Variants in PIP4P2 observed in about 807,000 individuals in gnomAD.
PIP4P2 encodes phosphatidylinositol-4,5-bisphosphate 4-phosphatase 2, also known as type 2 phosphatidylinositol 4,5-bisphosphate 4-phosphatase.
A neutral mutation model predicts 33.3 loss-of-function variants in PIP4P2; 19 were observed. The ratio of observed to expected loss-of-function variants is 0.57; its 90% CI spans 0.40 to 0.84. The LOEUF (loss-of-function observed/expected upper bound fraction) is 0.84. PIP4P2 is among the 40% of genes least tolerant of loss of function. The pLI is 0.00. For missense variants in PIP4P2, 270 were observed against 324.7 expected (o/e 0.83, Z 1.29); for synonymous variants, 110 against 111.9 (o/e 0.98, Z 0.11).
chr8:91,039,863 G>A (rs1348564124), intron 1 of PIP4P2, among the ~76,000 whole-genome samples: 1 of 152,008 alleles, frequency 6.6e-6, no homozygotes, highest in Non-Finnish European at 1.5e-5. Context: ...AGATCCCATT[G>A]CATTTAATCT....
At chr8:91,023,092 C>G (rs534207144) in intron 1 of PIP4P2, among the ~76,000 whole-genome samples, 13 of 152,046 alleles carry the variant, frequency 8.6e-5, no homozygotes, top group Non-Finnish European at 1.3e-4. Context: ...TTGCAATTTG[C>G]AGATTACTTT....
intron 6 of PIP4P2, 84 bp downstream of exon 6, chr8:90,996,570 T>C: frequency 8.9e-7 from 1 of 1,126,628 alleles, no homozygotes; most frequent in Non-Finnish European, 1.2e-6. Context: ...TCTTCAGGAA[T>C]CCCTGAAGGT....
At chr8:91,037,790 A>C (rs1812251610) in intron 1 of PIP4P2, among the ~76,000 whole-genome samples, 1 of 152,160 alleles carries the variant, frequency 6.6e-6, no homozygotes. Context: ...GATATAAACA[A>C]TTTTCACAGA....
chr8:91,034,795 T>C (rs1255901042), intron 1 of PIP4P2, among the ~76,000 whole-genome samples: 1 of 152,212 alleles, frequency 6.6e-6, no homozygotes, highest in Non-Finnish European at 1.5e-5. Flanking sequence ...CATCTCTTCC[T>C]GCCAATCCAC....
chr8:91,007,377 C>A (rs914789302), intron 5 of PIP4P2, among the ~76,000 whole-genome samples: 3 of 152,186 alleles, frequency 2.0e-5, no homozygotes, highest in Non-Finnish European at 4.4e-5. Context: ...TACACATATT[C>A]TACTTCCAAA....
Position 90,995,538 on chromosome 8 carries a change from T to C in PIP4P2, c.*139A>G, listed in dbSNP as rs561656649. 426 of 1,099,358 alleles carry C rather than the reference T, an allele frequency of 3.9e-4. 2 individuals carry two copies. The highest frequency in any genetic ancestry group is 4.9e-4 in the Non-Finnish European group (401 of 825,422). The allele number at this position is 1,099,358 out of a possible 1,614,324, so 68.1% of individuals were successfully genotyped here. On this transcript the variant is annotated 3_prime_UTR_variant, in exon 7 of 7. Transcript: ENST00000285419. ...ATATAGTGCAATGAGCATTTGTTCA[T>C]AAAAGACTCCCAAAGTCTTGAAACG...
chr8:91,027,034 G>A (rs1812091240), intron 1 of PIP4P2, among the ~76,000 whole-genome samples: 1 of 152,176 alleles, frequency 6.6e-6, no homozygotes, highest in African/African-American at 2.4e-5. Flanking sequence ...CATGGTTAGA[G>A]AACCAGGGAA....
At chr8:91,005,678 A>C (rs941944685) in intron 5 of PIP4P2, among the ~76,000 whole-genome samples, 1 of 152,250 alleles carries the variant, frequency 6.6e-6, no homozygotes, top group African/African-American at 2.4e-5. Flanking sequence ...AAATAAATGG[A>C]TAACACTTGA....
At chr8:91,029,926 C>CA (rs1209963806) in intron 1 of PIP4P2, among the ~76,000 whole-genome samples, 2 of 152,010 alleles carry the variant, frequency 1.3e-5, no homozygotes, top group African/African-American at 4.8e-5. Context: ...GAGATCGTGC[C>CA]ACTGAACTCC....
Position 91,020,085 on chromosome 8 carries a change from C to T in PIP4P2, c.362+72G>A, listed in dbSNP as rs1465958682. 2.0e-6 allele frequency: 3 copies of T among 1,468,788 alleles called. No individual in the cohort carries two copies. The Admixed American group carries it at 5.3e-5, about 26-fold the overall frequency. 91.0% of individuals were successfully genotyped at this position (1,468,788 alleles called of 1,614,324 possible). On this transcript the variant is annotated intron_variant, in intron 3 of 6. Coordinates refer to ENST00000285419, the MANE Select transcript of PIP4P2 (RefSeq NM_018710.3). ...ACTCTTTCTAGAACAAAGCCTGGCA[C>T]TGAAGAACCTTTAGTAAATACTTGT...
chr8:91,013,765 C>T (rs1434552340), intron 4 of PIP4P2, among the ~76,000 whole-genome samples: 5 of 152,114 alleles, frequency 3.3e-5, no homozygotes, highest in Non-Finnish European at 2.9e-5. Flanking sequence ...AACTCCTGGC[C>T]TCAAGTGAGC....
In PIP4P2 at chr8:91,011,302, T is replaced by G. The variant is rs548218177; in HGVS notation, c.487-2507A>C. The stretch of plus-strand genomic sequence containing the variant: ...ATTAACAAAGTATCTGGATATGCCT[T>G]TTACCAGCAACAGAGACCATGGGCC... On this transcript the variant is annotated intron_variant, in intron 4 of 6. Coordinates refer to ENST00000285419, the MANE Select transcript of PIP4P2 (RefSeq NM_018710.3). Among the ~76,000 whole-genome samples, 9 of 152,136 alleles carry G rather than the reference T, an allele frequency of 5.9e-5. No homozygotes were observed. The South Asian group carries it at 1.9e-3, about 31-fold the overall frequency.
intron 1 of PIP4P2, among the ~76,000 whole-genome samples, chr8:91,025,618 G>A (rs1243267201): frequency 6.6e-6 from 1 of 152,158 alleles, no homozygotes; most frequent in Non-Finnish European, 1.5e-5. Context: ...TCTATATGCA[G>A]CCCTTCAGGC....
intron 4 of PIP4P2, among the ~76,000 whole-genome samples, chr8:91,009,666 C>A (rs532629720): frequency 6.6e-6 from 1 of 151,880 alleles, no homozygotes; most frequent in Admixed American, 6.6e-5. Context: ...TTTCAGAAGG[C>A]TCAAATTCTA....
intron 1 of PIP4P2, among the ~76,000 whole-genome samples, chr8:91,027,364 T>C (rs1812097894): frequency 6.6e-6 from 1 of 152,226 alleles, no homozygotes; most frequent in East Asian, 1.9e-4. Flanking sequence ...AAGCCTTCCC[T>C]TGCTGGAAAA....
chr8:91,028,479 A>G (rs188059718), intron 1 of PIP4P2, among the ~76,000 whole-genome samples: 154 of 152,352 alleles, frequency 1.0e-3, no homozygotes, highest in South Asian at 5.4e-3. Context: ...AGGGACTCAA[A>G]GCGGCTATCA....
At chr8:91,038,097 T>A (rs1308974948) in intron 1 of PIP4P2, among the ~76,000 whole-genome samples, 1 of 152,202 alleles carries the variant, frequency 6.6e-6, no homozygotes, top group Non-Finnish European at 1.5e-5. Flanking sequence ...CAACATGGAT[T>A]GTTACACAGA....
chr8:91,021,322 T>G lies in PIP4P2; in HGVS notation c.189A>C (p.Ser63=). 1 of 1,613,832 alleles carries G rather than the reference T, an allele frequency of 6.2e-7. No homozygotes were observed. The highest frequency in any genetic ancestry group is 2.2e-5 in the East Asian group (1 of 44,860). ...IPVINCRVCQ[S]LINLDGKLHQ... ...GAAGCTTGCCATCCAAATTGATTAG[T>G]GATTGGCACACACGGCAGTTTATTA... The change falls in exon 2 of 7, where the codon TCA becomes TCC. Residue 63 remains serine, a synonymous_variant. Coordinates refer to ENST00000285419, the MANE Select transcript of PIP4P2 (RefSeq NM_018710.3).
At chr8:91,029,675 C>G (rs1812132438) in intron 1 of PIP4P2, among the ~76,000 whole-genome samples, 1 of 152,138 alleles carries the variant, frequency 6.6e-6, no homozygotes, top group African/African-American at 2.4e-5. Flanking sequence ...CCTTGTCTCT[C>G]CTTATGGGAT....
Sources: gnomAD v4.1 joint callset for allele counts (sites outside exome capture counted in the v4.1 genomes callset) on GRCh38, gnomAD v4.1.1 for gene constraint, MANE v1.5 for transcripts, NCBI Gene and HGNC (gene_info 2026-07-23, HGNC 2026-07-21) for gene names.